DAB1: variants seen among roughly 807,000 people sequenced by gnomAD.
DAB1 encodes DAB adaptor protein 1, also known as disabled homolog 1.
In DAB1, 15 loss-of-function variants were observed where a neutral mutation model predicts 64.6. The observed-to-expected ratio is 0.23, with a 90% CI of 0.16 to 0.36. The LOEUF (loss-of-function observed/expected upper bound fraction) is 0.36, where lower values mean the gene tolerates loss of function less well. DAB1 is among the 10% of genes least tolerant of loss of function. The pLI, the probability that DAB1 is intolerant of heterozygous loss-of-function variation, is 1.00. For synonymous variants in DAB1, 235 were observed against 251.9 expected, an observed-to-expected ratio of 0.93 and a Z score of 0.64; for missense variants, 596 against 706.7, an observed-to-expected ratio of 0.84 and a Z score of 1.78.
intron 4 of DAB1, among the ~76,000 whole-genome samples, chr1:57,097,275 A>G (rs923557213): frequency 1.3e-5 from 2 of 152,202 alleles, no homozygotes; most frequent in South Asian, 2.1e-4. Flanking sequence ...TAACCATAAA[A>G]TATCAATGAC....
At chr1:57,806,960 A>G (rs564712453) in intron 6 of DAB1, among the ~76,000 whole-genome samples, 1 of 152,314 alleles carries the variant, frequency 6.6e-6, no homozygotes, top group Admixed American at 6.5e-5. Context: ...CTGAATTCTT[A>G]GCACACCTGC....
chr1:58,490,285 C>T (rs958687845), intron 3 of DAB1, among the ~76,000 whole-genome samples: 10 of 152,110 alleles, frequency 6.6e-5, no homozygotes, highest in Non-Finnish European at 1.5e-4. Flanking sequence ...ACAAGAACTA[C>T]GTGACGAATG....
intron 1 of DAB1, among the ~76,000 whole-genome samples, chr1:57,421,509 CAAG>C (rs1558355181): frequency 6.6e-6 from 1 of 152,160 alleles, no homozygotes; most frequent in Admixed American, 6.5e-5. Flanking sequence ...GCACCGTTCC[CAAG>C]AAGATGGTCA....
intron 3 of DAB1, among the ~76,000 whole-genome samples, chr1:58,454,940 T>A (rs910688128): frequency 1.3e-5 from 2 of 152,236 alleles, no homozygotes; most frequent in African/African-American, 4.8e-5. Context: ...TCGTGCTGCC[T>A]TCAGGTCACT....
chr1:58,244,794 A>G (rs1343541950), intron 4 of DAB1, among the ~76,000 whole-genome samples: 1 of 152,214 alleles, frequency 6.6e-6, no homozygotes, highest in East Asian at 1.9e-4. Flanking sequence ...TCATAACACT[A>G]TTCCTAGGAT....
intron 2 of DAB1, among the ~76,000 whole-genome samples, chr1:58,525,730 G>A (rs1224671719): frequency 6.6e-6 from 1 of 152,102 alleles, no homozygotes; most frequent in African/African-American, 2.4e-5. Flanking sequence ...TTTCTAAAAT[G>A]TATATAGAAA....
intron 1 of DAB1, among the ~76,000 whole-genome samples, chr1:57,335,453 T>C (rs183293160): frequency 7.2e-5 from 11 of 152,294 alleles, no homozygotes; most frequent in Admixed American, 6.5e-4. Flanking sequence ...TCAAGAACAA[T>C]TCAGGAGGTC....
intron 6 of DAB1, among the ~76,000 whole-genome samples, chr1:57,679,500 A>G (rs1646611713): frequency 6.6e-6 from 1 of 152,226 alleles, no homozygotes; most frequent in Non-Finnish European, 1.5e-5. Flanking sequence ...TCCTCAGGCC[A>G]GGGCCATGCA....
chr1:58,407,848 C>T (rs534635654), intron 3 of DAB1, among the ~76,000 whole-genome samples: 5 of 152,232 alleles, frequency 3.3e-5, no homozygotes, highest in Non-Finnish European at 7.4e-5. Flanking sequence ...TACTAAAAAC[C>T]CTTCCAAAAA....
chr1:57,016,585 T>C (rs549599987), intron 11 of DAB1, among the ~76,000 whole-genome samples: 30 of 150,980 alleles, frequency 2.0e-4, no homozygotes, highest in African/African-American at 7.3e-4. Context: ...AGTGAGACAC[T>C]TGTCTCTAAA....
chr1:57,813,072 T>C (rs565863347), intron 6 of DAB1, among the ~76,000 whole-genome samples: 4 of 152,346 alleles, frequency 2.6e-5, no homozygotes, highest in African/African-American at 9.6e-5. Flanking sequence ...AACATACGTA[T>C]GTATATCATA....
At chr1:58,296,321 TAGATACTC>T (rs1661993260) in intron 4 of DAB1, among the ~76,000 whole-genome samples, 1 of 152,152 alleles carries the variant, frequency 6.6e-6, no homozygotes, top group African/African-American at 2.4e-5. Context: ...AGCCTTCTGG[TAGATACTC>T]AGACAAAGAG....
intron 4 of DAB1, among the ~76,000 whole-genome samples, chr1:58,295,578 T>G (rs573099521): frequency 6.6e-6 from 1 of 152,336 alleles, no homozygotes; most frequent in Admixed American, 6.5e-5. Flanking sequence ...TCTATGTGAC[T>G]TATATTACAC....
intron 4 of DAB1, among the ~76,000 whole-genome samples, chr1:58,341,469 G>A (rs1643932911): frequency 6.6e-6 from 1 of 152,106 alleles, no homozygotes; most frequent in Admixed American, 6.6e-5. Context: ...TTTTAAACTG[G>A]AAAGAACCTT....
At chr1:57,920,246 G>A (rs770756734) in intron 5 of DAB1, among the ~76,000 whole-genome samples, 2 of 152,290 alleles carry the variant, frequency 1.3e-5, no homozygotes, top group Non-Finnish European at 2.9e-5. Context: ...TTCAGTTGAT[G>A]TTTGAGTACC....
At chr1:57,471,539 T>C (rs753556333) in intron 7 of DAB1, among the ~76,000 whole-genome samples, 4 of 152,044 alleles carry the variant, frequency 2.6e-5, no homozygotes, top group Admixed American at 6.6e-5. Flanking sequence ...TTGTAGGAGG[T>C]AATTGAATCA....
At chr1:57,743,548 C>T (rs3131734) in intron 6 of DAB1, among the ~76,000 whole-genome samples, 15,027 of 152,262 alleles carry the variant, frequency 0.099, 2,162 homozygotes, top group African/African-American at 0.32. Flanking sequence ...TCTCTCCACA[C>T]GGATGCGCGT....
At chr1:58,017,230 G>A (rs1206034477) in intron 5 of DAB1, among the ~76,000 whole-genome samples, 1 of 151,590 alleles carries the variant, frequency 6.6e-6, no homozygotes, top group African/African-American at 2.4e-5. Context: ...TCTCACTTTG[G>A]CAAAAAGCCC....
intron 5 of DAB1, among the ~76,000 whole-genome samples, chr1:58,093,055 G>A (rs1264152448): frequency 3.3e-5 from 5 of 152,114 alleles, no homozygotes; most frequent in Non-Finnish European, 5.9e-5. Context: ...CCCTAGCCCC[G>A]AGCCTTAGCT....
Sources: allele counts gnomAD v4.1 joint callset (sites outside exome capture counted in the v4.1 genomes callset), GRCh38; gene constraint gnomAD v4.1.1; transcripts MANE v1.5; gene names NCBI Gene and HGNC (gene_info 2026-07-23, HGNC 2026-07-21).